Variants in FIGN observed in about 807,000 individuals in gnomAD.
The protein encoded by FIGN is fidgetin, microtubule severing factor, also known as fidgetin.
A neutral mutation model predicts 51.3 loss-of-function variants in FIGN; 11 were observed. The observed-to-expected ratio is 0.21, with a 90% CI of 0.13 to 0.35. The LOEUF (loss-of-function observed/expected upper bound fraction) is 0.35, where lower values mean the gene tolerates loss of function less well. FIGN is among the 10% of genes least tolerant of loss of function. The pLI is 1.00. For missense variants in FIGN, 857 were observed against 943.6 expected, an observed-to-expected ratio of 0.91 and a Z score of 1.20; for synonymous variants, 407 against 363.2, an observed-to-expected ratio of 1.12 and a Z score of -1.37.
Position 163,609,241 on chromosome 2 carries a change from T to G in FIGN, c.*311A>C. 3.4e-6 allele frequency: 1 copy of G among 292,794 alleles called. No individual in the cohort carries two copies. The highest frequency in any genetic ancestry group is 6.3e-6 in the Non-Finnish European group (1 of 157,952). The allele number at this position is 292,794 out of a possible 1,614,324, so 18.1% of individuals were successfully genotyped here. A position where few individuals can be genotyped will look rare whatever the true frequency, so the allele number is the denominator to read the frequency against. ...AAATCTCGAGAACAGCAGAATGGAATCAACACACGAGGTTCATGTCCTTCT... is the reference window on the plus strand; with the variant it reads ...AAATCTCGAGAACAGCAGAATGGAAGCAACACACGAGGTTCATGTCCTTCT... On this transcript the variant is annotated 3_prime_UTR_variant, in exon 3 of 3. Transcript: ENST00000333129.
chr2:163,712,778 AATTTTT>A (rs1426429459), intron 2 of FIGN, among the ~76,000 whole-genome samples: 1 of 152,196 alleles, frequency 6.6e-6, no homozygotes, highest in African/African-American at 2.4e-5. Context: ...ACATTATAGC[AATTTTT>A]ATTTTTATTA....
At position 163,610,377 on chromosome 2, in the gene FIGN, C is replaced by G; in HGVS notation, c.1455G>C (p.Trp485Cys). The G allele has an allele frequency of 6.2e-7, 1 of 1,614,158 alleles. No homozygotes were observed. Among genetic ancestry groups the G allele is most frequent in the Non-Finnish European group, 8.5e-7 (1 of 1,180,018 alleles). Residue 485 changes from tryptophan (W) to cysteine (C), a missense_variant, in exon 3 of 3, where the codon TGG becomes TGC. Transcript: ENST00000333129. ...EIITQGPPVDWNDIAGLDLVK... is the reference protein window; with the variant it reads ...EIITQGPPVDCNDIAGLDLVK... Reference sequence around the variant, plus strand: ...CCAGGTCGAGACCAGCAATGTCATTCCAGTCCACTGGAGGTCCTTGGGTGA... The same window carrying G: ...CCAGGTCGAGACCAGCAATGTCATTGCAGTCCACTGGAGGTCCTTGGGTGA...
intron 2 of FIGN, among the ~76,000 whole-genome samples, chr2:163,624,386 C>A (rs997530474): frequency 6.6e-6 from 1 of 150,776 alleles, no homozygotes; most frequent in African/African-American, 2.4e-5. Context: ...ATTTTTAAGT[C>A]TCTACCCATT....
At chr2:163,651,046 T>C (rs539670402) in intron 2 of FIGN, among the ~76,000 whole-genome samples, 1 of 152,240 alleles carries the variant, frequency 6.6e-6, no homozygotes, top group African/African-American at 2.4e-5. Flanking sequence ...CAACAAAAAA[T>C]GTTGGATAGA....
At chr2:163,725,804 G>A (rs2105365974) in intron 2 of FIGN, among the ~76,000 whole-genome samples, 1 of 152,060 alleles carries the variant, frequency 6.6e-6, no homozygotes, top group East Asian at 1.9e-4. Context: ...ATAATAAAGA[G>A]CTTTCAATTT....
chr2:163,632,591 T>A (rs1399894132), intron 2 of FIGN, among the ~76,000 whole-genome samples: 1 of 152,164 alleles, frequency 6.6e-6, no homozygotes, highest in Non-Finnish European at 1.5e-5. Context: ...TGTGCAGGGA[T>A]TCCAGGTGCA....
chr2:163,718,968 C>G (rs1327300327), intron 2 of FIGN, among the ~76,000 whole-genome samples: 3 of 152,104 alleles, frequency 2.0e-5, no homozygotes, highest in South Asian at 2.1e-4. Context: ...TAGGTCTACC[C>G]TCAATACAAC....
intron 2 of FIGN, among the ~76,000 whole-genome samples, chr2:163,634,465 A>T (rs968929978): frequency 7.9e-5 from 12 of 151,654 alleles, no homozygotes; most frequent in Admixed American, 6.6e-4. Context: ...ACTCTACACC[A>T]TTTTTTATTT....
Position 163,611,576 on chromosome 2 carries a change from G to T in FIGN, c.256C>A (p.Pro86Thr). 6 of 1,614,212 alleles carry T rather than the reference G, an allele frequency of 3.7e-6. No homozygotes were observed. Among genetic ancestry groups the T allele is most frequent in the Non-Finnish European group, 5.1e-6 (6 of 1,180,026 alleles). The change falls in exon 3 of 3, where the codon CCC (proline) becomes ACC (threonine). Residue 86 changes from proline to threonine, a missense_variant. Pro to Thr is a conservative substitution (Grantham distance 38, BLOSUM62 -1). Coordinates refer to ENST00000333129, the MANE Select transcript of FIGN (RefSeq NM_018086.4). ...SGILEGPVDR[P>T]VLSNYSDTPS... ...GTGTCCGAATAGTTGCTGAGTACGG[G>T]TCGGTCCACAGGACCTTCCAAAATG...
intron 2 of FIGN, among the ~76,000 whole-genome samples, chr2:163,717,368 C>T (rs1472987034): frequency 1.3e-5 from 2 of 152,024 alleles, no homozygotes; most frequent in African/African-American, 2.4e-5. Context: ...AATGTATATC[C>T]ACCATCCTAG....
In FIGN at chr2:163,633,408, A is replaced by G. The variant is rs367794965; in HGVS notation, c.26-21602T>C. On this transcript the variant is annotated intron_variant, in intron 2 of 2. Coordinates refer to ENST00000333129, the MANE Select transcript of FIGN (RefSeq NM_018086.4). ...TTTCCATCTTTCAAATAAATAAACTAAAGTAGCAAGAGATTAAGTAACTTG... is the reference window on the plus strand; with the variant it reads ...TTTCCATCTTTCAAATAAATAAACTGAAGTAGCAAGAGATTAAGTAACTTG... 5.1e-4 allele frequency among the ~76,000 whole-genome samples: 78 copies of G among 152,294 alleles called. No individual in the cohort carries two copies. In the South Asian group the frequency reaches 0.013, roughly 26 times the overall value.
At chr2:163,681,314 T>C (rs1185240619) in intron 2 of FIGN, among the ~76,000 whole-genome samples, 4 of 152,256 alleles carry the variant, frequency 2.6e-5, no homozygotes, top group Non-Finnish European at 5.9e-5. Flanking sequence ...GTCCTTGGAG[T>C]TCATGTAGCC....
intron 2 of FIGN, among the ~76,000 whole-genome samples, chr2:163,615,965 T>C (rs1682869426): frequency 6.6e-6 from 1 of 152,160 alleles, no homozygotes; most frequent in South Asian, 2.1e-4. Flanking sequence ...GAAAATTGCT[T>C]TTAAGATAAT....
chr2:163,647,110 C>T (rs1683394424), intron 2 of FIGN, among the ~76,000 whole-genome samples: 1 of 152,184 alleles, frequency 6.6e-6, no homozygotes, highest in African/African-American at 2.4e-5. Context: ...AGTGCTGGAA[C>T]AAAGGCTCTC....
intron 2 of FIGN, among the ~76,000 whole-genome samples, chr2:163,713,244 T>C (rs558030564): frequency 6.6e-6 from 1 of 152,324 alleles, no homozygotes; most frequent in African/African-American, 2.4e-5. Flanking sequence ...GATTAACAAG[T>C]AGCACATATG....
chr2:163,702,108 C>A (rs962687639), intron 2 of FIGN, among the ~76,000 whole-genome samples: 1 of 152,078 alleles, frequency 6.6e-6, no homozygotes, highest in East Asian at 1.9e-4. Flanking sequence ...TTTCAAATAC[C>A]CATTCTCAGT....
chr2:163,667,338 CAA>C (rs397952314), intron 2 of FIGN, among the ~76,000 whole-genome samples: 6 of 127,516 alleles, frequency 4.7e-5, no homozygotes, highest in Admixed American at 2.5e-4. Flanking sequence ...ACTATCCCCA[CAA>C]AAAAAAAAAA....
rs1454796080 is a variant in FIGN at position 163,605,311 on chromosome 2, T to A, written c.*4241A>T. The A allele has an allele frequency of 6.6e-6, 1 of 152,070 alleles. No homozygotes were observed. Among genetic ancestry groups the A allele is most frequent in the African/African-American group, 2.4e-5 (1 of 41,418 alleles). 9.4% of individuals were successfully genotyped at this position (152,070 alleles called of 1,614,324 possible). On this transcript the variant is annotated 3_prime_UTR_variant, in exon 3 of 3. Coordinates refer to ENST00000333129, the MANE Select transcript of FIGN (RefSeq NM_018086.4). ...ATGTCAACCAAAGGTCTTAGCAAAG[T>A]GTGAGCTTCAGTTCATGTGTTGGTT... is the stretch of plus-strand genomic sequence containing the variant.
At chr2:163,630,676 G>A (rs1399592196) in intron 2 of FIGN, among the ~76,000 whole-genome samples, 1 of 76,238 alleles carries the variant, frequency 1.3e-5, no homozygotes, top group South Asian at 3.2e-4. Flanking sequence ...ACAAAAAAAA[G>A]GGGGGGGGGA....
Sources: gnomAD v4.1 joint callset for allele counts (sites outside exome capture counted in the v4.1 genomes callset) on GRCh38, gnomAD v4.1.1 for gene constraint, MANE v1.5 for transcripts, NCBI Gene and HGNC (gene_info 2026-07-23, HGNC 2026-07-21) for gene names.